SYN2: variants seen among roughly 807,000 people sequenced by gnomAD.
The protein encoded by SYN2 is synapsin-2.
Under a neutral mutation model 50.9 loss-of-function variants are expected in SYN2, and 19 were observed. The observed-to-expected ratio is 0.37, with a 90% CI of 0.26 to 0.55. SYN2 has a LOEUF of 0.55. Among genes scored for constraint, SYN2 ranks in the 20% least tolerant of loss-of-function variants. The pLI is 0.81. For synonymous variants in SYN2, 255 were observed against 224.9 expected (o/e 1.13, Z -1.20); for missense variants, 587 against 576.4 (o/e 1.02, Z -0.19).
At chr3:12,045,879 A>G (rs1694727603) in intron 1 of SYN2, among the ~76,000 whole-genome samples, 1 of 152,224 alleles carries the variant, frequency 6.6e-6, no homozygotes, top group Admixed American at 6.5e-5. Context: ...CTTTTAAAAA[A>G]TGAGGCTTGA....
intron 1 of SYN2, among the ~76,000 whole-genome samples, chr3:12,045,986 C>A (rs149883662): frequency 2.5e-4 from 38 of 152,284 alleles, no homozygotes; most frequent in Non-Finnish European, 3.7e-4. Context: ...GACATTTATT[C>A]ATTCTCAAAG....
chr3:12,094,524 T>C (rs1444385134), intron 1 of SYN2, among the ~76,000 whole-genome samples: 2 of 152,198 alleles, frequency 1.3e-5, no homozygotes, highest in Non-Finnish European at 2.9e-5. Flanking sequence ...GCATATTTGG[T>C]ATTAAGTCAC....
At chr3:12,071,223 C>T (rs1695347050) in intron 1 of SYN2, 3 of 553,596 alleles carry the variant, frequency 5.4e-6, no homozygotes. Context: ...AGATCAAGAT[C>T]ATCGTGCCCC....
chr3:12,099,270 G>A (rs1696015279), intron 1 of SYN2, among the ~76,000 whole-genome samples: 1 of 152,028 alleles, frequency 6.6e-6, no homozygotes. Flanking sequence ...TTCTTCTCAA[G>A]GGCACATGGA....
chr3:12,110,588 A>G (rs1459249600), intron 1 of SYN2, among the ~76,000 whole-genome samples: 1 of 152,182 alleles, frequency 6.6e-6, no homozygotes, highest in African/African-American at 2.4e-5. Flanking sequence ...CTGGACATCT[A>G]GGCATTTCTA....
At chr3:12,117,748 T>A (rs1304918830) in intron 1 of SYN2, among the ~76,000 whole-genome samples, 1 of 152,234 alleles carries the variant, frequency 6.6e-6, no homozygotes, top group Non-Finnish European at 1.5e-5. Context: ...GTCTGCTGTC[T>A]GCTTTTGCCC....
intron 1 of SYN2, among the ~76,000 whole-genome samples, chr3:12,130,046 G>A (rs763087832): frequency 6.6e-6 from 1 of 152,218 alleles, no homozygotes; most frequent in South Asian, 2.1e-4. Context: ...CTGGCACCTT[G>A]ATCTGGACTT....
Position 12,147,970 on chromosome 3 carries a change from C to T in SYN2, c.684+2135C>T, listed in dbSNP as rs141285505. Among the ~76,000 whole-genome samples, 968 of 152,094 alleles carry T rather than the reference C, an allele frequency of 6.4e-3. 9 individuals carry two copies. Among genetic ancestry groups the T allele is most frequent in the African/African-American group, 0.021 (883 of 41,496 alleles). On this transcript the variant is annotated intron_variant, in intron 4 of 12. Transcript: ENST00000621198. ...TACTAAAAATACAAAAAAAATTAGC[C>T]GGGTGTGGTGGCAGGTGCCTGTAGT...
intron 1 of SYN2, among the ~76,000 whole-genome samples, chr3:12,104,757 TA>T (rs1696149077): frequency 6.6e-6 from 1 of 151,788 alleles, no homozygotes. Flanking sequence ...GTATTTTTAG[TA>T]GAGATGGAGT....
rs1256659691 is a variant in SYN2 at position 12,125,545 on chromosome 3, G to A, written c.378-15106G>A. ...TATTCAGGTCTGATCTGACCATCTG[G>A]AAGAATTTCATTAGGTTTTAATTAT... On this transcript the variant is annotated intron_variant, in intron 1 of 12. Transcript: ENST00000621198. Among the ~76,000 whole-genome samples, 3 of 152,154 alleles carry A rather than the reference G, an allele frequency of 2.0e-5. No individual in the cohort carries two copies. The East Asian group carries it at 5.8e-4, about 29-fold the overall frequency.
chr3:12,042,486 G>T (rs1694640141), intron 1 of SYN2, among the ~76,000 whole-genome samples: 1 of 152,150 alleles, frequency 6.6e-6, no homozygotes, highest in South Asian at 2.1e-4. Flanking sequence ...TTAATACTAT[G>T]GAATTATCCT....
chr3:12,153,868 C>A (rs544726683), intron 5 of SYN2, among the ~76,000 whole-genome samples: 5 of 152,308 alleles, frequency 3.3e-5, no homozygotes, highest in African/African-American at 1.2e-4. Context: ...ATTCTCCTTC[C>A]CCAAGGTTCC....
At chr3:12,159,507 G>T (rs1467209931) in intron 5 of SYN2, among the ~76,000 whole-genome samples, 1 of 152,104 alleles carries the variant, frequency 6.6e-6, no homozygotes, top group East Asian at 1.9e-4. Context: ...TTGCCTGGGG[G>T]GTGGGGAGAG....
At chr3:12,122,397 C>G (rs1696580102) in intron 1 of SYN2, among the ~76,000 whole-genome samples, 1 of 152,034 alleles carries the variant, frequency 6.6e-6, no homozygotes, top group Non-Finnish European at 1.5e-5. Context: ...GAGTAGTAAG[C>G]CTATAAGAAG....
At chr3:12,157,425 T>A in intron 5 of SYN2, 1 of 1,614,196 alleles carries the variant, frequency 6.2e-7, no homozygotes, top group South Asian at 1.1e-5. Context: ...TTTTTCAGTG[T>A]CAGCAGGGTC....
chr3:12,055,313 A>G (rs1694963476), intron 1 of SYN2, among the ~76,000 whole-genome samples: 1 of 152,174 alleles, frequency 6.6e-6, no homozygotes. Flanking sequence ...GAAGGTAATG[A>G]CAATGAAAAC....
intron 1 of SYN2, among the ~76,000 whole-genome samples, chr3:12,022,749 T>C (rs755053560): frequency 4.6e-5 from 7 of 151,226 alleles, no homozygotes; most frequent in Non-Finnish European, 7.4e-5. Context: ...AGTCTTGTTA[T>C]GTTGCTCAGG....
chr3:12,111,565 A>G (rs1254688594), intron 1 of SYN2, among the ~76,000 whole-genome samples: 1 of 151,776 alleles, frequency 6.6e-6, no homozygotes, highest in Non-Finnish European at 1.5e-5. Flanking sequence ...ATTCCTAAGC[A>G]CTCCTATTTG....
chr3:12,032,090 G>A (rs1299834672), intron 1 of SYN2, among the ~76,000 whole-genome samples: 2 of 120,930 alleles, frequency 1.7e-5, no homozygotes, highest in Non-Finnish European at 1.8e-5. Flanking sequence ...TGACAAAATC[G>A]GTCAGCATTT....
Sources: allele counts gnomAD v4.1 joint callset (sites outside exome capture counted in the v4.1 genomes callset), GRCh38; gene constraint gnomAD v4.1.1; transcripts MANE v1.5; gene names NCBI Gene and HGNC (gene_info 2026-07-23, HGNC 2026-07-21).